Variants in LYPLAL1 observed in about 807,000 individuals in gnomAD.
LYPLAL1 encodes lysophospholipase-like protein 1.
A neutral mutation model predicts 19.7 loss-of-function variants in LYPLAL1; 23 were observed. The observed-to-expected ratio is 1.17, with a 90% confidence interval of 0.84 to 1.65. The LOEUF (loss-of-function observed/expected upper bound fraction) is 1.65. Among genes scored for constraint, LYPLAL1 ranks in the 40% most tolerant of loss-of-function variants. LYPLAL1 has a pLI of 0.00. For missense variants in LYPLAL1, 355 were observed against 279.4 expected (o/e 1.27, Z -1.93); for synonymous variants, 119 against 96.3 (o/e 1.24, Z -1.38).
intron 2 of LYPLAL1, among the ~76,000 whole-genome samples, chr1:219,181,078 T>C (rs1656235232): frequency 6.6e-6 from 1 of 152,028 alleles, no homozygotes; most frequent in African/African-American, 2.4e-5. Flanking sequence ...AAGGAAGAAA[T>C]ACGTAAGATT....
At chr1:219,227,006 A>C in the LYPLAL1 span, among the ~76,000 whole-genome samples, 1 of 152,108 alleles carries the variant, frequency 6.6e-6, no homozygotes. Context: ...GATAATTTCA[A>C]CTCTTCTGTC....
Position 219,193,088 on chromosome 1 carries a change from T to C in LYPLAL1, c.198T>C (p.Tyr66=), listed in dbSNP as rs536808322. 1 of 1,575,950 alleles carries C rather than the reference T, an allele frequency of 6.3e-7. No homozygotes were observed. The highest frequency in any genetic ancestry group is 1.1e-5 in the South Asian group (1 of 89,898). ...IIYPTAPPRS[Y]TPMKGGISNV... is the part of the protein sequence containing the mutation. ...GGGGGCGGTTGTTAAACAGATCATA[T>C]ACTCCTATGAAAGGAGGAATCTCCA... Residue 66 remains tyrosine (Y), a synonymous_variant, in exon 3 of 5, where the codon TAT becomes TAC. Coordinates refer to ENST00000366928, the MANE Select transcript of LYPLAL1 (RefSeq NM_138794.5).
chr1:219,251,209 GTTCTCCCATTCTGTAGGTT>G, the LYPLAL1 span, among the ~76,000 whole-genome samples: 1 of 151,774 alleles, frequency 6.6e-6, no homozygotes, highest in African/African-American at 2.4e-5. Flanking sequence ...TTTGCAATTT[GTTCTCCCATTCTGTAGGTT>G]TTCTGTTTAT....
the LYPLAL1 span, among the ~76,000 whole-genome samples, chr1:219,265,548 T>C: frequency 6.6e-6 from 1 of 152,230 alleles, no homozygotes; most frequent in African/African-American, 2.4e-5. Flanking sequence ...TTCAAAGTTC[T>C]ACTATAGAAT....
intron 1 of LYPLAL1, chr1:219,174,297 T>A: frequency 8.1e-7 from 1 of 1,235,896 alleles, no homozygotes; most frequent in Non-Finnish European, 1.0e-6. Context: ...ACAGAGCAAG[T>A]TAGTAAGGTA....
At chr1:219,247,991 A>C in the LYPLAL1 span, among the ~76,000 whole-genome samples, 5 of 152,156 alleles carry the variant, frequency 3.3e-5, no homozygotes, top group Admixed American at 1.3e-4. Flanking sequence ...GAATCAAATG[A>C]TAGTCTCTCT....
At chr1:219,378,696 C>T in the LYPLAL1 span, among the ~76,000 whole-genome samples, 1 of 152,160 alleles carries the variant, frequency 6.6e-6, no homozygotes, top group East Asian at 1.9e-4. Context: ...TTGGAAATCA[C>T]TGAGGGCATA....
chr1:219,253,422 A>C, the LYPLAL1 span, among the ~76,000 whole-genome samples: 2 of 152,006 alleles, frequency 1.3e-5, no homozygotes, highest in Non-Finnish European at 2.9e-5. Context: ...AAGTGCTATG[A>C]ATTTCCCTCT....
Position 219,211,914 on chromosome 1 carries a change from G to A in LYPLAL1, c.*186G>A, listed in dbSNP as rs1558248765. The A allele has an allele frequency of 2.4e-6, 1 of 415,790 alleles. No individual in the cohort carries two copies. The highest frequency in any genetic ancestry group is 3.6e-5 in the East Asian group (1 of 27,540). 25.8% of individuals were successfully genotyped at this position (415,790 alleles called of 1,614,324 possible). A position where few individuals can be genotyped will look rare whatever the true frequency, so the allele number is the denominator to read the frequency against. On this transcript the variant is annotated 3_prime_UTR_variant, in exon 5 of 5. Transcript: ENST00000366928. The stretch of plus-strand genomic sequence containing the variant: ...TGAAAAACAATAGACAAACATCTGT[G>A]CATAATTTTTCAGACACAATTCTGT...
chr1:219,186,036 A>G (rs941472584), intron 2 of LYPLAL1, among the ~76,000 whole-genome samples: 2 of 151,798 alleles, frequency 1.3e-5, no homozygotes, highest in Admixed American at 6.6e-5. Flanking sequence ...GTTATGGAAA[A>G]TTTAGTTCTG....
At chr1:219,332,822 GC>G in the LYPLAL1 span, among the ~76,000 whole-genome samples, 78,521 of 125,542 alleles carry the variant, frequency 0.63, 23,846 homozygotes, top group East Asian at 0.71. Flanking sequence ...CTGATTTTCT[GC>G]CCCCCCCCCC....
chr1:219,198,865 C>T (rs767568931), intron 3 of LYPLAL1: 1 of 151,850 alleles, frequency 6.6e-6, no homozygotes, highest in Non-Finnish European at 1.5e-5. Context: ...GTTCCCATAC[C>T]CCACCAACAC....
chr1:219,421,959 G>A, the LYPLAL1 span, among the ~76,000 whole-genome samples: 1 of 152,160 alleles, frequency 6.6e-6, no homozygotes, highest in Non-Finnish European at 1.5e-5. Context: ...ACAAAAATTT[G>A]ATTGTGCCCT....
chr1:219,353,130 A>G, the LYPLAL1 span, among the ~76,000 whole-genome samples: 1 of 152,226 alleles, frequency 6.6e-6, no homozygotes, highest in African/African-American at 2.4e-5. Flanking sequence ...AAGCCTTTCT[A>G]TCACCTCAGA....
the LYPLAL1 span, among the ~76,000 whole-genome samples, chr1:219,252,736 G>C: frequency 3.3e-5 from 5 of 152,042 alleles, no homozygotes; most frequent in African/African-American, 1.2e-4. Flanking sequence ...ATATTAGCCT[G>C]AAGTTTTCTT....
chr1:219,377,026 T>A, the LYPLAL1 span, among the ~76,000 whole-genome samples: 13 of 152,190 alleles, frequency 8.5e-5, no homozygotes, highest in Non-Finnish European at 1.8e-4. Flanking sequence ...GAAATATTTG[T>A]ACACCCATGT....
the LYPLAL1 span, among the ~76,000 whole-genome samples, chr1:219,270,315 G>A: frequency 6.6e-6 from 1 of 152,268 alleles, no homozygotes; most frequent in African/African-American, 2.4e-5. Flanking sequence ...TCTCTCTGCT[G>A]AAGAGACAGG....
the LYPLAL1 span, among the ~76,000 whole-genome samples, chr1:219,440,000 T>TATATATAC: frequency 1.9e-5 from 2 of 103,416 alleles, no homozygotes; most frequent in Admixed American, 1.1e-4. Flanking sequence ...TACACACATA[T>TATATATAC]ATATATATAT....
chr1:219,398,329 C>G, the LYPLAL1 span, among the ~76,000 whole-genome samples: 1 of 152,180 alleles, frequency 6.6e-6, no homozygotes, highest in Non-Finnish European at 1.5e-5. Context: ...ATTCTTTCCT[C>G]CACTTAGTCT....
Sources: gnomAD v4.1 joint callset for allele counts (sites outside exome capture counted in the v4.1 genomes callset) on GRCh38, gnomAD v4.1.1 for gene constraint, MANE v1.5 for transcripts, NCBI Gene and HGNC (gene_info 2026-07-23, HGNC 2026-07-21) for gene names.